ASPH: variants seen among roughly 807,000 people sequenced by gnomAD.
The protein encoded by ASPH is aspartyl/asparaginyl beta-hydroxylase.
In ASPH, 100 loss-of-function variants were observed where a neutral mutation model predicts 118.4. The observed-to-expected ratio is 0.84, with a 90% CI of 0.72 to 1.00. The LOEUF is 1.00. Among genes scored for constraint, ASPH ranks in the 50% least tolerant of loss-of-function variants. The pLI, the probability that ASPH is intolerant of heterozygous loss-of-function variation, is 0.00. For missense variants in ASPH, 920 were observed against 919.5 expected, an observed-to-expected ratio of 1.00 and a Z score of -0.01; for synonymous variants, 315 against 325.6, an observed-to-expected ratio of 0.97 and a Z score of 0.35.
intron 1 of ASPH, among the ~76,000 whole-genome samples, chr8:61,707,254 T>A (rs1367572674): frequency 1.3e-5 from 2 of 151,352 alleles, no homozygotes; most frequent in Non-Finnish European, 2.9e-5. Context: ...AAAAAAAATC[T>A]ACCTATCAAT....
chr8:61,663,651 G>C, intron 3 of ASPH: 1 of 984,754 alleles, frequency 1.0e-6, no homozygotes, highest in Non-Finnish European at 1.2e-6. Flanking sequence ...TGTAAAAATG[G>C]CAAAATCCTG....
At chr8:61,631,601 G>A (rs1406780716) in intron 13 of ASPH, 3 of 152,092 alleles carry the variant, frequency 2.0e-5, no homozygotes, top group Non-Finnish European at 2.9e-5. Context: ...GTCACCTAAC[G>A]ACACACTCTC....
intron 1 of ASPH, among the ~76,000 whole-genome samples, chr8:61,692,850 A>C (rs925450287): frequency 6.6e-6 from 1 of 152,062 alleles, no homozygotes; most frequent in Non-Finnish European, 1.5e-5. Flanking sequence ...TACAAAGAAT[A>C]CTATACCAGC....
chr8:61,506,707 G>A (rs1315683304), intron 24 of ASPH, among the ~76,000 whole-genome samples: 1 of 151,988 alleles, frequency 6.6e-6, no homozygotes, highest in Non-Finnish European at 1.5e-5. Context: ...GCATATGATT[G>A]GCAATAGTAG....
At chr8:61,519,252 G>A (rs907704845) in intron 22 of ASPH, among the ~76,000 whole-genome samples, 5 of 151,988 alleles carry the variant, frequency 3.3e-5, no homozygotes, top group African/African-American at 9.7e-5. Flanking sequence ...TATAGTAAAT[G>A]ATACAATAGA....
chr8:61,676,177 T>C (rs1825241112), intron 3 of ASPH: 1 of 1,599,374 alleles, frequency 6.3e-7, no homozygotes, highest in East Asian at 2.2e-5. Flanking sequence ...CTTCTTCTTC[T>C]TCTTCTAGCA....
At chr8:61,672,515 GT>G (rs142842751) in intron 3 of ASPH, among the ~76,000 whole-genome samples, 22 of 147,484 alleles carry the variant, frequency 1.5e-4, no homozygotes, top group South Asian at 4.7e-4. Context: ...ATTTAAACCA[GT>G]TTTTTTTAAA....
At position 61,548,090 on chromosome 8, in the gene ASPH, C is replaced by G. The variant is rs1432950722; in HGVS notation, c.1745G>C (p.Gly582Ala). 3.7e-6 allele frequency: 6 copies of G among 1,613,566 alleles called. No homozygotes were observed. The highest frequency in any genetic ancestry group is 5.1e-6 in the Non-Finnish European group (6 of 1,179,746). Residue 582 changes from glycine (G) to alanine (A), a missense_variant, in exon 21 of 25, where the codon GGC becomes GCC. Physicochemically the swap from Gly to Ala is moderately conservative, Grantham distance 60 (BLOSUM62 0). Transcript: ENST00000379454. ...AQPWWTPKET[G>A]YTELVKSLER... ...ACTTACCTTTACTAACTCTGTGTAG[C>G]CCGTTTCTTTTGGGGTCCACCAAGG...
Position 61,502,765 on chromosome 8 carries a change from A to C in ASPH, c.*594T>G, listed in dbSNP as rs1805159832. The C allele has an allele frequency of 6.6e-6, 1 of 152,258 alleles. No individual in the cohort carries two copies. The highest frequency in any genetic ancestry group is 1.5e-5 in the Non-Finnish European group (1 of 68,044). The allele number at this position is 152,258 out of a possible 1,614,324, so 9.4% of individuals were successfully genotyped here. On this transcript the variant is annotated 3_prime_UTR_variant, in exon 25 of 25. Transcript: ENST00000379454. ...ATGGGTACAGTTCATAGACACTGAC[A>C]TAATGAGCTCTTTCTTTTTTGTTAG...
chr8:61,660,428 G>C (rs1042338550), intron 3 of ASPH: 5 of 152,076 alleles, frequency 3.3e-5, no homozygotes, highest in African/African-American at 1.2e-4. Flanking sequence ...TTACCCAACA[G>C]TTTAAAAGTG....
chr8:61,686,543 A>T (rs984798154), intron 1 of ASPH, among the ~76,000 whole-genome samples: 1 of 152,202 alleles, frequency 6.6e-6, no homozygotes, highest in Admixed American at 6.5e-5. Context: ...TATAAACAGA[A>T]AGACTTATTT....
At chr8:61,556,934 C>A (rs1400779914) in intron 18 of ASPH, among the ~76,000 whole-genome samples, 2 of 152,234 alleles carry the variant, frequency 1.3e-5, no homozygotes, top group Admixed American at 6.5e-5. Flanking sequence ...ACACCAGGCC[C>A]TCGGGGGGCC....
chr8:61,666,300 G>T (rs1161541631), intron 3 of ASPH, among the ~76,000 whole-genome samples: 1 of 152,148 alleles, frequency 6.6e-6, no homozygotes, highest in Non-Finnish European at 1.5e-5. Context: ...TGGGTTGAGA[G>T]AGCAATTAAA....
rs10653118 is a variant in ASPH at position 61,696,661 on chromosome 8, G to GAAA, written c.104-12476_104-12474dup. ...ACTCAATAGAGAAGACGGTCTCATA[G>GAAA]AAAAAAAAAAGCATTCCTCTGAGCT... On this transcript the variant is annotated intron_variant, in intron 1 of 24. Coordinates refer to ENST00000379454, the MANE Select transcript of ASPH (RefSeq NM_004318.4). 1.4e-3 allele frequency among the ~76,000 whole-genome samples: 214 copies of GAAA among 149,884 alleles called. 1 individual carries two copies. Among genetic ancestry groups the GAAA allele is most frequent in the African/African-American group, 4.5e-3 (184 of 40,872 alleles).
chr8:61,518,256 T>G, intron 22 of ASPH, 133 bp from the exon 23 acceptor site: 6 of 671,662 alleles, frequency 8.9e-6, no homozygotes, highest in Non-Finnish European at 1.5e-5. Flanking sequence ...GAAGATGAAG[T>G]AGGAATGCAA....
intron 24 of ASPH, among the ~76,000 whole-genome samples, chr8:61,516,230 T>C (rs1185349476): frequency 1.3e-5 from 2 of 152,218 alleles, no homozygotes; most frequent in Admixed American, 6.5e-5. Context: ...ACTCTGCAAG[T>C]TGAGTGTCTG....
At chr8:61,637,908 C>T in intron 12 of ASPH, 39 bp downstream of exon 12, 2 of 1,546,276 alleles carry the variant, frequency 1.3e-6, no homozygotes, top group Non-Finnish European at 1.8e-6. Flanking sequence ...ACACAATTCT[C>T]ATATGGAAGG....
chr8:61,628,106 A>G (rs1299062050), intron 13 of ASPH, among the ~76,000 whole-genome samples: 2 of 151,880 alleles, frequency 1.3e-5, no homozygotes, highest in African/African-American at 4.8e-5. Context: ...ATTAGATCAT[A>G]TGACTCCTCT....
intron 13 of ASPH, among the ~76,000 whole-genome samples, chr8:61,631,042 T>C (rs902801479): frequency 3.3e-5 from 5 of 152,110 alleles, no homozygotes; most frequent in Non-Finnish European, 5.9e-5. Flanking sequence ...GTTAAAAAAA[T>C]TGAAAATAAA....
Sources: gnomAD v4.1 joint callset for allele counts (sites outside exome capture counted in the v4.1 genomes callset) on GRCh38, gnomAD v4.1.1 for gene constraint, MANE v1.5 for transcripts, NCBI Gene and HGNC (gene_info 2026-07-23, HGNC 2026-07-21) for gene names.